Variants in SEM1 observed in about 807,000 individuals in gnomAD.
SEM1 encodes the protein SEM1 26S proteasome subunit.
SEM1 carries 3 observed loss-of-function variants against 12.7 expected under a neutral mutation model. The observed-to-expected ratio is 0.24, with a 90% CI of 0.11 to 0.61. The LOEUF (loss-of-function observed/expected upper bound fraction) is 0.61, where lower values mean the gene tolerates loss of function less well. Ranked by LOEUF, SEM1 falls within the 20% of genes least tolerant of loss-of-function variation. SEM1 has a pLI of 0.88. For missense variants in SEM1, 59 were observed against 81.3 expected, an observed-to-expected ratio of 0.73 and a Z score of 1.06; for synonymous variants, 30 against 27.8, an observed-to-expected ratio of 1.08 and a Z score of -0.25.
At chr7:96,622,892 A>C in intron 2 of SEM1, 1 of 471,482 alleles carries the variant, frequency 2.1e-6, no homozygotes, top group Non-Finnish European at 3.8e-6. Context: ...CATGGAATAC[A>C]AATGCTTTGG....
downstream of SEM1, among the ~76,000 whole-genome samples, chr7:96,668,884 A>C (rs1235978328): frequency 1.3e-5 from 2 of 152,200 alleles, no homozygotes; most frequent in Admixed American, 1.3e-4. Flanking sequence ...TGTCCCTATA[A>C]GAAGATGGCC....
At chr7:96,668,018 G>C (rs1789214624) in intron 2 of SEM1, among the ~76,000 whole-genome samples, 2 of 152,146 alleles carry the variant, frequency 1.3e-5, no homozygotes, top group Admixed American at 6.6e-5. Context: ...TGACAGACCT[G>C]TGGAGGTGGA....
At chr7:96,685,752 C>T (rs997598461), downstream of SEM1, among the ~76,000 whole-genome samples, 2 of 145,754 alleles carry the variant, frequency 1.4e-5, no homozygotes, top group African/African-American at 2.5e-5. Context: ...GGAGGTAAGG[C>T]AACTCCCATA....
At chr7:96,510,633 G>A (rs1206959083) in intron 2 of SEM1, among the ~76,000 whole-genome samples, 2 of 152,092 alleles carry the variant, frequency 1.3e-5, no homozygotes, top group Non-Finnish European at 2.9e-5. Flanking sequence ...CTGTATGTTG[G>A]ATCACAGTTG....
chr7:96,623,781 T>C (rs1807968925), intron 2 of SEM1, among the ~76,000 whole-genome samples: 1 of 152,030 alleles, frequency 6.6e-6, no homozygotes, highest in South Asian at 2.1e-4. Context: ...ATAACAGAAA[T>C]TTATTATCTC....
chr7:96,679,215 T>C (rs1472365202), intron 2 of SEM1, among the ~76,000 whole-genome samples: 5 of 152,242 alleles, frequency 3.3e-5, no homozygotes, highest in South Asian at 4.1e-4. Flanking sequence ...CTGTGGCTCA[T>C]TGTAGTGGCC....
chr7:96,551,318 G>A (rs781221687), intron 2 of SEM1, among the ~76,000 whole-genome samples: 8 of 152,064 alleles, frequency 5.3e-5, no homozygotes, highest in Non-Finnish European at 8.8e-5. Flanking sequence ...TTTGGAAAAG[G>A]GCTTTGCAGA....
intron 2 of SEM1, among the ~76,000 whole-genome samples, chr7:96,680,433 A>G (rs1475943950): frequency 6.6e-6 from 1 of 152,122 alleles, no homozygotes; most frequent in African/African-American, 2.4e-5. Flanking sequence ...AAAAAGAGTA[A>G]CTAAGAGGAG....
intron 2 of SEM1, among the ~76,000 whole-genome samples, chr7:96,510,093 T>C (rs1803891252): frequency 6.6e-6 from 1 of 152,302 alleles, no homozygotes; most frequent in African/African-American, 2.4e-5. Context: ...ATCACCAAAC[T>C]ACATTTTATC....
chr7:96,557,546 G>A lies in SEM1; in HGVS notation c.171-50848C>T, dbSNP rs558179621. Among the ~76,000 whole-genome samples, 10 of 88,414 alleles carry A rather than the reference G, an allele frequency of 1.1e-4. 1 individual carries two copies. Among genetic ancestry groups the A allele is most frequent in the African/African-American group, 1.7e-4 (6 of 34,882 alleles). The allele number at this position is 88,414 out of a possible 152,430, so 58.0% of individuals were successfully genotyped here. ...ACCCACTTGAGGAGGCAGTCTGCCC[G>A]TTCTCGTATTTCCAGCTGCGTGCTG... On this transcript the variant is annotated intron_variant and NMD_transcript_variant, in intron 2 of 3. Coordinates refer to the SEM1 transcript ENST00000466986.
At chr7:96,609,127 C>A (rs1014636959) in intron 2 of SEM1, among the ~76,000 whole-genome samples, 37 of 152,096 alleles carry the variant, frequency 2.4e-4, no homozygotes, top group Non-Finnish European at 2.9e-4. Context: ...TTATAGCCAT[C>A]CAAGTGGATA....
chr7:96,694,603 A>C (rs1291256012), intron 2 of SEM1, among the ~76,000 whole-genome samples, 195 bp downstream of exon 2: 2 of 152,030 alleles, frequency 1.3e-5, no homozygotes, highest in Non-Finnish European at 2.9e-5. Flanking sequence ...AGAAAGAATA[A>C]AAGTTGTATG....
intron 2 of SEM1, among the ~76,000 whole-genome samples, chr7:96,542,658 AT>A (rs1804990997): frequency 6.6e-6 from 1 of 151,920 alleles, no homozygotes; most frequent in Non-Finnish European, 1.5e-5. Context: ...AGATAGCATT[AT>A]TTTTATCTTT....
At chr7:96,485,955 T>A (rs899038939) in intron 2 of SEM1, among the ~76,000 whole-genome samples, 1 of 152,136 alleles carries the variant, frequency 6.6e-6, no homozygotes, top group Non-Finnish European at 1.5e-5. Context: ...AGGGGGACAT[T>A]GTTTAGCTTA....
intron 2 of SEM1, among the ~76,000 whole-genome samples, chr7:96,683,449 G>A (rs1329873711): frequency 6.6e-6 from 1 of 152,140 alleles, no homozygotes; most frequent in Non-Finnish European, 1.5e-5. Context: ...CTGTAAATTA[G>A]TTCAACCATT....
intron 2 of SEM1, among the ~76,000 whole-genome samples, chr7:96,555,401 G>A (rs543771575): frequency 3.9e-4 from 58 of 149,648 alleles, no homozygotes; most frequent in Admixed American, 9.4e-4. Flanking sequence ...CTTTGTTCTC[G>A]TTGGTTTCAA....
intron 2 of SEM1, among the ~76,000 whole-genome samples, chr7:96,553,351 C>T (rs1805360047): frequency 1.3e-5 from 2 of 150,912 alleles, no homozygotes; most frequent in South Asian, 2.1e-4. Flanking sequence ...GTCTTTAATC[C>T]ATCTTGAATT....
At chr7:96,598,767 T>C (rs1436776637) in intron 2 of SEM1, among the ~76,000 whole-genome samples, 1 of 152,176 alleles carries the variant, frequency 6.6e-6, no homozygotes. Context: ...ATATGCTCAC[T>C]TTGTGGAAAA....
At chr7:96,659,927 A>C (rs1788938714) in intron 2 of SEM1, among the ~76,000 whole-genome samples, 2 of 116,548 alleles carry the variant, frequency 1.7e-5, no homozygotes. Context: ...AAAAAAAAAA[A>C]AAACAAAAAC....
Sources: allele counts gnomAD v4.1 joint callset (sites outside exome capture counted in the v4.1 genomes callset), GRCh38; gene constraint gnomAD v4.1.1; transcripts MANE v1.5; gene names NCBI Gene and HGNC (gene_info 2026-07-23, HGNC 2026-07-21).